DNAH9: variants seen among roughly 807,000 people sequenced by gnomAD.
DNAH9 encodes the protein DNAH9 variant protein.
A neutral mutation model predicts 471.6 loss-of-function variants in DNAH9; 345 were observed. The ratio of observed to expected loss-of-function variants is 0.73; its 90% CI spans 0.67 to 0.80. DNAH9 has a LOEUF of 0.80. Ranked by LOEUF, DNAH9 falls within the 30% of genes least tolerant of loss-of-function variation. DNAH9 has a pLI of 0.00. For synonymous variants in DNAH9, 2,093 were observed against 2,123.6 expected (o/e 0.99, Z 0.40); for missense variants, 5,407 against 5,609.2 (o/e 0.96, Z 1.15).
At chr17:11,923,219 G>GC (rs1974195648) in intron 61 of DNAH9, among the ~76,000 whole-genome samples, 1 of 152,106 alleles carries the variant, frequency 6.6e-6, no homozygotes, top group South Asian at 2.1e-4. Flanking sequence ...GGGATTACAG[G>GC]CACCTCCCAC....
intron 26 of DNAH9, among the ~76,000 whole-genome samples, chr17:11,709,492 C>T (rs1318371384): frequency 6.6e-6 from 1 of 152,130 alleles, no homozygotes; most frequent in Non-Finnish European, 1.5e-5. Flanking sequence ...TTCTCTCCTG[C>T]CCGAAGAATT....
At chr17:11,886,541 T>C (rs1401143535) in intron 56 of DNAH9, among the ~76,000 whole-genome samples, 1 of 150,562 alleles carries the variant, frequency 6.6e-6, no homozygotes, top group African/African-American at 2.5e-5. Context: ...CCATGAAATC[T>C]TTCTCATTAG....
At chr17:11,674,953 A>G (rs1015421837) in intron 17 of DNAH9, among the ~76,000 whole-genome samples, 3 of 152,176 alleles carry the variant, frequency 2.0e-5, no homozygotes, top group Non-Finnish European at 4.4e-5. Context: ...ATATCTTGAC[A>G]GTTCTTGGTC....
At position 11,929,937 on chromosome 17, in the gene DNAH9, C is replaced by T. The variant is rs1567557659; in HGVS notation, c.11949C>T (p.His3983=). 1.9e-6 allele frequency: 3 copies of T among 1,614,052 alleles called. No homozygotes were observed. The highest frequency in any genetic ancestry group is 2.2e-5 in the East Asian group (1 of 44,866). The change falls in exon 63 of 69, where the codon CAC becomes CAT. Residue 3983 remains histidine, a synonymous_variant. Coordinates refer to ENST00000262442, the MANE Select transcript of DNAH9 (RefSeq NM_001372.4). ...KKLEEHSENS[H]PEFRVFMSAE... is the part of the protein sequence containing the mutation. ...TGGAGGAGCACAGTGAGAACAGCCA[C>T]CCAGAGTTCAGGGTCTTCATGAGTG...
At chr17:11,867,155 C>T (rs1972089796) in intron 50 of DNAH9, among the ~76,000 whole-genome samples, 1 of 152,230 alleles carries the variant, frequency 6.6e-6, no homozygotes, top group African/African-American at 2.4e-5. Flanking sequence ...TCCTATTCAG[C>T]CATCTTGGCT....
chr17:11,609,251 G>T (rs2072575762), intron 2 of DNAH9, among the ~76,000 whole-genome samples: 1 of 152,190 alleles, frequency 6.6e-6, no homozygotes, highest in African/African-American at 2.4e-5. Flanking sequence ...TTTATAATGA[G>T]TTTTTTCTAT....
chr17:11,784,933 A>T (rs1359462031), intron 41 of DNAH9, among the ~76,000 whole-genome samples: 2 of 152,134 alleles, frequency 1.3e-5, no homozygotes, highest in Non-Finnish European at 2.9e-5. Flanking sequence ...GATGAAAAAG[A>T]GTGTTCCCCA....
At chr17:11,687,961 C>T (rs1161152469) in intron 19 of DNAH9, among the ~76,000 whole-genome samples, 1 of 151,324 alleles carries the variant, frequency 6.6e-6, no homozygotes, top group East Asian at 1.9e-4. Flanking sequence ...TAGTGAAACC[C>T]TGTATCTACT....
intron 67 of DNAH9, among the ~76,000 whole-genome samples, chr17:11,948,948 C>T (rs954918118): frequency 1.3e-5 from 2 of 152,166 alleles, no homozygotes; most frequent in African/African-American, 2.4e-5. Flanking sequence ...GCTGCATGAC[C>T]GTGAGCCCAG....
At chr17:11,653,613 A>G (rs2073561949) in intron 14 of DNAH9, among the ~76,000 whole-genome samples, 1 of 152,248 alleles carries the variant, frequency 6.6e-6, no homozygotes, top group African/African-American at 2.4e-5. Flanking sequence ...CTATAGGGCC[A>G]TGTCTGACAA....
intron 67 of DNAH9, among the ~76,000 whole-genome samples, chr17:11,960,479 T>C (rs373244665): frequency 0.014 from 1,500 of 108,122 alleles, 33 homozygotes; most frequent in African/African-American, 0.051. Flanking sequence ...AGTGGCTGGG[T>C]GCGGAGGCTC....
At chr17:11,651,579 TCTC>T (rs34827174) in intron 13 of DNAH9, among the ~76,000 whole-genome samples, 7,096 of 152,196 alleles carry the variant, frequency 0.047, 176 homozygotes, top group African/African-American at 0.066. Context: ...TTGCATAAGA[TCTC>T]CTACAGTCTC....
At chr17:11,935,170 G>A (rs764019401) in intron 65 of DNAH9, among the ~76,000 whole-genome samples, 1 of 151,326 alleles carries the variant, frequency 6.6e-6, no homozygotes, top group African/African-American at 2.4e-5. Context: ...TCGTGTTGGC[G>A]AAGCTGGTCT....
intron 39 of DNAH9, among the ~76,000 whole-genome samples, chr17:11,781,376 A>G (rs1968659758): frequency 6.6e-6 from 1 of 152,216 alleles, no homozygotes. Context: ...TATTCACATG[A>G]AACATTTAGC....
At chr17:11,822,631 C>G in intron 47 of DNAH9, 32 bp downstream of exon 47, 1 of 1,611,704 alleles carries the variant, frequency 6.2e-7, no homozygotes, top group East Asian at 2.2e-5. Flanking sequence ...TCCTAAAAGT[C>G]CTTCCCAGAT....
chr17:11,727,254 CA>C (rs2075170238), intron 27 of DNAH9, among the ~76,000 whole-genome samples: 1 of 152,046 alleles, frequency 6.6e-6, no homozygotes, highest in South Asian at 2.1e-4. Context: ...GACAGAAATG[CA>C]TTATTCCCTT....
rs529135899 is a variant in DNAH9 at position 11,707,884 on chromosome 17, G to A, written c.5552+2699G>A. ...CAAGGCCGTCTGTTCCACTGGTACC[G>A]TCTCATGCTTTTGTTCTACTCTCTG... On this transcript the variant is annotated intron_variant, in intron 26 of 68. Coordinates refer to ENST00000262442, the MANE Select transcript of DNAH9 (RefSeq NM_001372.4). Among the ~76,000 whole-genome samples, 12 of 151,570 alleles carry A rather than the reference G, an allele frequency of 7.9e-5. No individual in the cohort carries two copies. In the East Asian group the frequency reaches 1.8e-3, roughly 22 times the overall value.
intron 57 of DNAH9, among the ~76,000 whole-genome samples, chr17:11,887,269 AT>A (rs1972909115): frequency 1.3e-5 from 2 of 152,326 alleles, no homozygotes; most frequent in South Asian, 4.1e-4. Context: ...GTGGAAGGTG[AT>A]ACCGAAGAAG....
chr17:11,943,474 C>T (rs1003711386), intron 67 of DNAH9, among the ~76,000 whole-genome samples: 1 of 151,952 alleles, frequency 6.6e-6, no homozygotes, highest in Non-Finnish European at 1.5e-5. Context: ...GTCAGGAGAT[C>T]GAGACCACCC....
Sources: allele counts gnomAD v4.1 joint callset (sites outside exome capture counted in the v4.1 genomes callset), GRCh38; gene constraint gnomAD v4.1.1; transcripts MANE v1.5; gene names NCBI Gene and HGNC (gene_info 2026-07-23, HGNC 2026-07-21).